ARAP2: variants seen among roughly 807,000 people sequenced by gnomAD.
ARAP2 encodes the protein arf-GAP with Rho-GAP domain, ANK repeat and PH domain-containing protein 2.
A neutral mutation model predicts 194.5 loss-of-function variants in ARAP2; 148 were observed. The observed-to-expected ratio is 0.76, with a 90% CI of 0.67 to 0.87. The LOEUF (loss-of-function observed/expected upper bound fraction) is 0.87. Ranked by LOEUF, ARAP2 falls within the 40% of genes least tolerant of loss-of-function variation. The pLI is 0.00. For synonymous variants in ARAP2, 695 were observed against 683.5 expected (o/e 1.02, Z -0.26); for missense variants, 2,128 against 1,989.7 (o/e 1.07, Z -1.32).
chr4:36,190,172 T>C (rs1268975843), intron 7 of ARAP2, among the ~76,000 whole-genome samples: 1 of 152,240 alleles, frequency 6.6e-6, no homozygotes, highest in Admixed American at 6.5e-5. Context: ...TCAACCTTCA[T>C]ATTTCAGCAT....
At chr4:36,186,743 A>G (rs146524323) in intron 8 of ARAP2, among the ~76,000 whole-genome samples, 1 of 152,340 alleles carries the variant, frequency 6.6e-6, no homozygotes, top group East Asian at 1.9e-4. Flanking sequence ...CTACTGTAAA[A>G]TGTGCATGCA....
intron 21 of ARAP2, among the ~76,000 whole-genome samples, chr4:36,125,693 G>A (rs533234682): frequency 9.8e-4 from 149 of 152,062 alleles, no homozygotes; most frequent in African/African-American, 3.5e-3. Flanking sequence ...AATATCTGGA[G>A]AAACCAGAGA....
Position 36,177,685 on chromosome 4 carries a change from CTA to C in ARAP2, c.1857+140_1857+141del, listed in dbSNP as rs1738279205. ...ACACCAAGAAAATTCAACAAAATCA[CTA>C]TTTCTTTGGTATATTTAGTGGAGTA... is the stretch of plus-strand genomic sequence containing the variant. On this transcript the variant is annotated intron_variant, in intron 9 of 32. Coordinates refer to ENST00000303965, the MANE Select transcript of ARAP2 (RefSeq NM_015230.4). The C allele has an allele frequency of 5.5e-6, 4 of 723,436 alleles. No individual in the cohort carries two copies. In the South Asian group the frequency reaches 2.2e-4, roughly 40 times the overall value. 44.8% of individuals were successfully genotyped at this position (723,436 alleles called of 1,614,324 possible).
At chr4:36,098,881 CTT>C (rs368241535) in intron 27 of ARAP2, among the ~76,000 whole-genome samples, 1 of 151,940 alleles carries the variant, frequency 6.6e-6, no homozygotes, top group African/African-American at 2.4e-5. Context: ...TAATTTAACT[CTT>C]TTTTTTATTT....
intron 1 of ARAP2, 125 bp from the exon 2 acceptor site, chr4:36,229,770 GTGCATTGCTT>G (rs930636125): frequency 3.9e-6 from 1 of 257,688 alleles, no homozygotes; most frequent in African/African-American, 2.2e-5. Context: ...TGGAATCTTT[GTGCATTGCTT>G]TGCATGCCCT....
intron 19 of ARAP2, among the ~76,000 whole-genome samples, chr4:36,133,849 G>A (rs1485810545): frequency 1.3e-5 from 2 of 151,616 alleles, no homozygotes; most frequent in Non-Finnish European, 2.9e-5. Context: ...TCCTCTTTCT[G>A]AATGGCAAAG....
intron 6 of ARAP2, among the ~76,000 whole-genome samples, chr4:36,206,833 C>T (rs1482876972): frequency 6.6e-6 from 1 of 151,826 alleles, no homozygotes; most frequent in African/African-American, 2.4e-5. Context: ...CACACTGCCA[C>T]ATCAGTCCTT....
rs73225574 is a variant in ARAP2, at chr4:36,089,927, T to C, written c.4425+1954A>G. ...TCTCAATCTGGGACTTGCCTATTCA[T>C]ATTCTTAGTGGTATCTTTGGATGAG... On this transcript the variant is annotated intron_variant, in intron 28 of 32. Transcript: ENST00000303965. Among the ~76,000 whole-genome samples the C allele has an allele frequency of 9.5e-3, 1,448 of 152,196 alleles. 12 individuals carry two copies. Among genetic ancestry groups the C allele is most frequent in the Non-Finnish European group, 0.016 (1,117 of 67,984 alleles).
intron 27 of ARAP2, among the ~76,000 whole-genome samples, chr4:36,099,848 T>C (rs1261395830): frequency 2.6e-5 from 4 of 152,084 alleles, no homozygotes; most frequent in African/African-American, 9.7e-5. Flanking sequence ...GAATAGAGCT[T>C]GGCAGAGAAC....
intron 15 of ARAP2, 131 bp downstream of exon 15, chr4:36,158,599 T>C (rs1733141163): frequency 1.3e-6 from 1 of 791,742 alleles, no homozygotes; most frequent in Non-Finnish European, 2.0e-6. Context: ...GAAGCATTTA[T>C]AAATCCTCAA....
chr4:36,100,306 T>C (rs549175286), intron 27 of ARAP2, among the ~76,000 whole-genome samples: 2 of 151,930 alleles, frequency 1.3e-5, no homozygotes, highest in South Asian at 4.2e-4. Context: ...GACAAGGAAA[T>C]ACACAACAAA....
intron 19 of ARAP2, among the ~76,000 whole-genome samples, chr4:36,143,875 T>C (rs1190979135): frequency 1.3e-5 from 2 of 151,882 alleles, no homozygotes; most frequent in African/African-American, 2.4e-5. Context: ...TTATTAACTG[T>C]CTGTGACCAT....
In ARAP2 at chr4:36,244,497, C is replaced by T. The variant is rs898632410; in HGVS notation, c.-478G>A. The T allele has an allele frequency of 4.0e-5, 6 of 151,222 alleles. No homozygotes were observed. Among genetic ancestry groups the T allele is most frequent in the Non-Finnish European group, 8.9e-5 (6 of 67,698 alleles). 9.4% of individuals were successfully genotyped at this position (151,222 alleles called of 1,614,324 possible). On this transcript the variant is annotated 5_prime_UTR_variant, in exon 1 of 33. Coordinates refer to ENST00000303965, the MANE Select transcript of ARAP2 (RefSeq NM_015230.4). ...TTGCTCAGGTGCTCCCGCGCCTCGC[C>T]TCGGCCGCCGCTTCCTCTCCGCCCG... is the stretch of plus-strand genomic sequence containing the variant.
In ARAP2 at chr4:36,124,985, A is replaced by AT. The variant is rs1723547355; in HGVS notation, c.3641-19_3641-18insA. The stretch of plus-strand genomic sequence containing the variant: ...TTGCGTATCTGAAGGGGAAAAAAAA[A>AT]CAATCTTGAGATCTAAACTAATTAT... On this transcript the variant is annotated intron_variant, in intron 21 of 32. Coordinates refer to ENST00000303965, the MANE Select transcript of ARAP2 (RefSeq NM_015230.4). The AT allele has an allele frequency of 2.7e-6, 4 of 1,499,792 alleles. No homozygotes were observed. Among genetic ancestry groups the AT allele is most frequent in the Non-Finnish European group, 3.7e-6 (4 of 1,079,346 alleles). 92.9% of individuals were successfully genotyped at this position (1,499,792 alleles called of 1,614,324 possible). A position where few individuals can be genotyped will look rare whatever the true frequency, so the allele number is the denominator to read the frequency against.
At chr4:36,101,172 C>G (rs1716805744) in intron 27 of ARAP2, among the ~76,000 whole-genome samples, 1 of 151,886 alleles carries the variant, frequency 6.6e-6, no homozygotes, top group African/African-American at 2.4e-5. Context: ...GGGACTTGAG[C>G]ATCTGCAGAT....
At chr4:36,044,489 G>A (rs570500333) in intron 5 of ARAP2, among the ~76,000 whole-genome samples, 62 of 152,218 alleles carry the variant, frequency 4.1e-4, no homozygotes, top group Admixed American at 1.2e-3. Context: ...GTATGCTGGT[G>A]ATAATTGGCT....
chr4:36,061,739 A>C (rs922349924), downstream of ARAP2, among the ~76,000 whole-genome samples: 1 of 152,056 alleles, frequency 6.6e-6, no homozygotes, highest in Non-Finnish European at 1.5e-5. Flanking sequence ...GGAACCTCCC[A>C]TTGTTCTCCA....
At chr4:36,164,573 G>A (rs1014589085) in intron 11 of ARAP2, among the ~76,000 whole-genome samples, 2 of 152,266 alleles carry the variant, frequency 1.3e-5, no homozygotes, top group African/African-American at 4.8e-5. Flanking sequence ...AATGACTGGG[G>A]AAAGGTGGAC....
chr4:36,114,461 T>C (rs1239983707), intron 25 of ARAP2, among the ~76,000 whole-genome samples, 174 bp from the exon 26 acceptor site: 1 of 151,984 alleles, frequency 6.6e-6, no homozygotes, highest in East Asian at 1.9e-4. Flanking sequence ...ATCTTTTCCA[T>C]AAAATGTACA....
Sources: gnomAD v4.1 joint callset for allele counts (sites outside exome capture counted in the v4.1 genomes callset) on GRCh38, gnomAD v4.1.1 for gene constraint, MANE v1.5 for transcripts, NCBI Gene and HGNC (gene_info 2026-07-23, HGNC 2026-07-21) for gene names.